Variants in SNX29 observed in about 807,000 individuals in gnomAD.
SNX29 encodes the protein sorting nexin-29.
SNX29 carries 78 observed loss-of-function variants against 102.1 expected under a neutral mutation model. The observed-to-expected ratio is 0.76, with a 90% CI of 0.64 to 0.92. The LOEUF is 0.92. SNX29 is among the 40% of genes least tolerant of loss of function. SNX29 has a pLI of 0.00. For missense variants in SNX29, 1,280 were observed against 1,061.7 expected, an observed-to-expected ratio of 1.21 and a Z score of -2.86; for synonymous variants, 580 against 414.5, an observed-to-expected ratio of 1.40 and a Z score of -4.85.
intron 14 of SNX29, among the ~76,000 whole-genome samples, chr16:12,243,532 G>C (rs1375163176): frequency 6.6e-6 from 1 of 152,196 alleles, no homozygotes; most frequent in Non-Finnish European, 1.5e-5. Flanking sequence ...GGTTATTCTT[G>C]ATCTGTTAGG....
chr16:12,200,629 T>C (rs1160479231), intron 14 of SNX29, among the ~76,000 whole-genome samples: 1 of 152,134 alleles, frequency 6.6e-6, no homozygotes, highest in Non-Finnish European at 1.5e-5. Context: ...ATTACAGGTA[T>C]CTGCCACCAT....
rs56236598 is a variant in SNX29 at position 12,437,809 on chromosome 16, A to G, written c.2037+34280A>G. ...ACTTAATGTCTTTTTCGGCTGCACCATCAGTGAAGCAGGGCTGGCCTTCCA... is the reference window on the plus strand; with the variant it reads ...ACTTAATGTCTTTTTCGGCTGCACCGTCAGTGAAGCAGGGCTGGCCTTCCA... On this transcript the variant is annotated intron_variant, in intron 18 of 20. Transcript: ENST00000566228. Among the ~76,000 whole-genome samples, 676 of 152,198 alleles carry G rather than the reference A, an allele frequency of 4.4e-3. 5 individuals carry two copies. The highest frequency in any genetic ancestry group is 0.016 in the African/African-American group (648 of 41,552).
chr16:12,443,208 G>A (rs972538126), intron 18 of SNX29: 1 of 346,848 alleles, frequency 2.9e-6, no homozygotes, highest in Non-Finnish European at 5.7e-6. Context: ...AGATCCTGCT[G>A]GGGACATGGC....
Position 12,101,785 on chromosome 16 carries a change from A to G in SNX29, c.1402+22870A>G, listed in dbSNP as rs571870204. 8.6e-4 allele frequency among the ~76,000 whole-genome samples: 131 copies of G among 152,214 alleles called. 1 individual carries two copies. In the Middle Eastern group the frequency reaches 0.024, roughly 28 times the overall value. ...GAAAGTATCTTTTTAATTTAAATATACTTTAAGTTCTGGGATCCATGTGCA... is the reference window on the plus strand; with the variant it reads ...GAAAGTATCTTTTTAATTTAAATATGCTTTAAGTTCTGGGATCCATGTGCA... On this transcript the variant is annotated intron_variant, in intron 11 of 20. Coordinates refer to ENST00000566228, the MANE Select transcript of SNX29 (RefSeq NM_032167.5).
At position 12,185,375 on chromosome 16, in the gene SNX29, A is replaced by G. The variant is rs76142076; in HGVS notation, c.1596-14226A>G. Reference sequence around the variant, plus strand: ...TTGTGGTCGGACACTTGGCTTTTTCAAGAGAAACCTAGATTTTTAAGGGAA... The same window carrying G: ...TTGTGGTCGGACACTTGGCTTTTTCGAGAGAAACCTAGATTTTTAAGGGAA... On this transcript the variant is annotated intron_variant, in intron 13 of 20. Transcript: ENST00000566228. Among the ~76,000 whole-genome samples the G allele has an allele frequency of 6.1e-3, 923 of 152,278 alleles. 8 individuals carry two copies. The highest frequency in any genetic ancestry group is 0.021 in the African/African-American group (881 of 41,548).
At chr16:12,562,533 C>T (rs549610595) in intron 20 of SNX29, among the ~76,000 whole-genome samples, 9 of 152,142 alleles carry the variant, frequency 5.9e-5, no homozygotes, top group East Asian at 1.9e-4. Context: ...GTGAATGACA[C>T]AGCCAGGAGT....
chr16:12,432,701 T>C lies in SNX29; in HGVS notation c.2037+29172T>C, dbSNP rs562239530. On this transcript the variant is annotated intron_variant, in intron 18 of 20. Coordinates refer to ENST00000566228, the MANE Select transcript of SNX29 (RefSeq NM_032167.5). ...GGCTGTCTAGGTCCATGCCTTCACTTGACAGTGACAGGAGCTTGGCTAGTT... is the reference window on the plus strand; with the variant it reads ...GGCTGTCTAGGTCCATGCCTTCACTCGACAGTGACAGGAGCTTGGCTAGTT... Among the ~76,000 whole-genome samples, 43 of 152,322 alleles carry C rather than the reference T, an allele frequency of 2.8e-4. 1 individual carries two copies. Among genetic ancestry groups the C allele is most frequent in the African/African-American group, 1.0e-3 (43 of 41,574 alleles).
rs2079152247 is a variant in SNX29, at chr16:12,569,993, T to C, written c.*1364T>C. 3.9e-6 allele frequency: 1 copy of C among 259,482 alleles called. No homozygotes were observed. 16.1% of individuals were successfully genotyped at this position (259,482 alleles called of 1,614,324 possible). A position where few individuals can be genotyped will look rare whatever the true frequency, so the allele number is the denominator to read the frequency against. ...GGGCTTGTCCTGGAACTGCTTCAAC[T>C]CAGTGGCTTAAAATGAGAACTGCCC... On this transcript the variant is annotated 3_prime_UTR_variant, in exon 21 of 21. Coordinates refer to ENST00000566228, the MANE Select transcript of SNX29 (RefSeq NM_032167.5).
rs767421501 is a variant in SNX29, at chr16:12,570,269, C to T, written c.*1640C>T. On this transcript the variant is annotated 3_prime_UTR_variant, in exon 21 of 21. Coordinates refer to ENST00000566228, the MANE Select transcript of SNX29 (RefSeq NM_032167.5). ...ATGAGCTGGAGCATGTATGGAGGTG[C>T]GGACCCTGCAGTCAGTTTGCGAGTG... 4.2e-5 allele frequency: 45 copies of T among 1,064,474 alleles called. No homozygotes were observed. In the Admixed American group the frequency reaches 4.8e-4, roughly 11 times the overall value. 65.9% of individuals were successfully genotyped at this position (1,064,474 alleles called of 1,614,324 possible). A position where few individuals can be genotyped will look rare whatever the true frequency, so the allele number is the denominator to read the frequency against.
At chr16:12,443,895 G>T (rs1342248347) in intron 18 of SNX29, among the ~76,000 whole-genome samples, 3 of 152,252 alleles carry the variant, frequency 2.0e-5, no homozygotes, top group Non-Finnish European at 4.4e-5. Flanking sequence ...ACTGGGGAAT[G>T]TGAGCATTCG....
chr16:12,337,360 A>G (rs2081482431), intron 15 of SNX29, among the ~76,000 whole-genome samples: 1 of 151,944 alleles, frequency 6.6e-6, no homozygotes, highest in Non-Finnish European at 1.5e-5. Context: ...GTTGTTGTTC[A>G]AGACAGGGTC....
At chr16:12,424,527 C>A (rs889328413) in intron 18 of SNX29, among the ~76,000 whole-genome samples, 2 of 152,100 alleles carry the variant, frequency 1.3e-5, no homozygotes, top group African/African-American at 2.4e-5. Context: ...ACTGCTGGTA[C>A]CTGCAAATTA....
At chr16:12,382,324 C>T (rs1022668599) in intron 16 of SNX29, among the ~76,000 whole-genome samples, 7 of 152,100 alleles carry the variant, frequency 4.6e-5, no homozygotes, top group African/African-American at 7.2e-5. Flanking sequence ...AACCTTGCTC[C>T]GTCGGACCCC....
chr16:12,472,539 A>AC (rs2087401070), intron 18 of SNX29, among the ~76,000 whole-genome samples: 1 of 149,984 alleles, frequency 6.7e-6, no homozygotes, highest in African/African-American at 2.4e-5. Context: ...CAAAAAAAAA[A>AC]AAAACAAAAA....
At chr16:12,513,970 C>G (rs1216632800) in intron 19 of SNX29, among the ~76,000 whole-genome samples, 1 of 152,188 alleles carries the variant, frequency 6.6e-6, no homozygotes, top group Non-Finnish European at 1.5e-5. Context: ...AACAACTGCT[C>G]AGGCCTGGGT....
intron 18 of SNX29, among the ~76,000 whole-genome samples, chr16:12,409,676 C>T (rs1472890790): frequency 6.6e-6 from 1 of 152,130 alleles, no homozygotes; most frequent in African/African-American, 2.4e-5. Flanking sequence ...CTTAATATCC[C>T]ACTCAAGTGT....
At chr16:12,082,125 C>T (rs968130935) in intron 11 of SNX29, among the ~76,000 whole-genome samples, 4 of 152,002 alleles carry the variant, frequency 2.6e-5, no homozygotes, top group Non-Finnish European at 5.9e-5. Flanking sequence ...GTGGGTGGCA[C>T]CGTGGTGTAG....
intron 13 of SNX29, among the ~76,000 whole-genome samples, chr16:12,187,663 C>T (rs1014388865): frequency 2.0e-5 from 3 of 151,864 alleles, no homozygotes; most frequent in Non-Finnish European, 4.4e-5. Context: ...GTTTCTCTTG[C>T]CTGTTCTCCC....
intron 11 of SNX29, among the ~76,000 whole-genome samples, chr16:12,081,032 T>C (rs1390016606): frequency 2.0e-5 from 3 of 152,180 alleles, no homozygotes; most frequent in African/African-American, 7.2e-5. Flanking sequence ...CCTTTATTTT[T>C]TGAAAAAGGA....
Sources: allele counts gnomAD v4.1 joint callset (sites outside exome capture counted in the v4.1 genomes callset), GRCh38; gene constraint gnomAD v4.1.1; transcripts MANE v1.5; gene names NCBI Gene and HGNC (gene_info 2026-07-23, HGNC 2026-07-21).